Variants in CDH20 observed in about 807,000 individuals in gnomAD.
CDH20 encodes cadherin 20, also known as cadherin-20.
A neutral mutation model predicts 74.2 loss-of-function variants in CDH20; 29 were observed. That is an observed-to-expected ratio of 0.39 (90% confidence interval 0.29 to 0.53). The LOEUF (loss-of-function observed/expected upper bound fraction) is 0.53, where lower values mean the gene tolerates loss of function less well. CDH20 is among the 20% of genes least tolerant of loss of function. The pLI, the probability that CDH20 is intolerant of heterozygous loss-of-function variation, is 0.69. For synonymous variants in CDH20, 469 were observed against 405.4 expected, an observed-to-expected ratio of 1.16 and a Z score of -1.88; for missense variants, 988 against 1,048.3, an observed-to-expected ratio of 0.94 and a Z score of 0.79.
intron 1 of CDH20, among the ~76,000 whole-genome samples, chr18:61,343,850 G>A (rs909504583): frequency 6.6e-6 from 1 of 152,138 alleles, no homozygotes; most frequent in African/African-American, 2.4e-5. Flanking sequence ...TTATCCCAAG[G>A]AAGCATATTT....
intron 1 of CDH20, among the ~76,000 whole-genome samples, chr18:61,378,578 A>G (rs189036990): frequency 3.9e-5 from 6 of 152,278 alleles, no homozygotes; most frequent in Admixed American, 3.9e-4. Context: ...CTACTGGCTC[A>G]TATTTTAATC....
chr18:61,378,154 T>G (rs1007814749), intron 1 of CDH20, among the ~76,000 whole-genome samples: 8 of 152,212 alleles, frequency 5.3e-5, no homozygotes, highest in Non-Finnish European at 1.2e-4. Context: ...AATACTTGTA[T>G]GGGCATTCTA....
rs148422365 is a variant in CDH20 at position 61,495,239 on chromosome 18, C to T, written c.247-3947C>T. ...AATATAAAACACATTTTTATTACAC[C>T]GCCAATTTGCTGAGTGACTTGGAGA... On this transcript the variant is annotated intron_variant, in intron 2 of 11. Coordinates refer to ENST00000262717, the MANE Select transcript of CDH20 (RefSeq NM_031891.4). Among the ~76,000 whole-genome samples, 506 of 152,300 alleles carry T rather than the reference C, an allele frequency of 3.3e-3. 5 individuals carry two copies. The highest frequency in any genetic ancestry group is 0.012 in the African/African-American group (490 of 41,556).
At chr18:61,360,885 CTTTCTG>C (rs1568110260) in intron 1 of CDH20, among the ~76,000 whole-genome samples, 3 of 152,294 alleles carry the variant, frequency 2.0e-5, no homozygotes, top group Non-Finnish European at 4.4e-5. Context: ...AATACTTCCT[CTTTCTG>C]TTTTAGTTTC....
intron 1 of CDH20, among the ~76,000 whole-genome samples, chr18:61,351,890 T>C (rs908761258): frequency 3.3e-5 from 5 of 152,166 alleles, no homozygotes; most frequent in Admixed American, 2.0e-4. Context: ...GTTACAATTA[T>C]CAACCTCCCC....
chr18:61,438,406 A>G (rs1908908341), intron 1 of CDH20, among the ~76,000 whole-genome samples: 1 of 152,126 alleles, frequency 6.6e-6, no homozygotes, highest in African/African-American at 2.4e-5. Context: ...TGCTCCTGCC[A>G]GAGGTGCTCT....
At chr18:61,530,227 C>A (rs1379974734) in intron 7 of CDH20, among the ~76,000 whole-genome samples, 2 of 152,126 alleles carry the variant, frequency 1.3e-5, no homozygotes, top group African/African-American at 4.8e-5. Flanking sequence ...AAGAATGGTC[C>A]CTGGACCCAA....
At chr18:61,464,874 T>G (rs907654699) in intron 1 of CDH20, among the ~76,000 whole-genome samples, 5 of 152,128 alleles carry the variant, frequency 3.3e-5, no homozygotes, top group African/African-American at 1.2e-4. Flanking sequence ...CCAGTTAGAA[T>G]CCTCCATCAT....
At chr18:61,549,913 T>C (rs1358986205) in intron 10 of CDH20, 65 bp from the exon 11 acceptor site, 1 of 1,554,908 alleles carries the variant, frequency 6.4e-7, no homozygotes, top group Non-Finnish European at 8.8e-7. Flanking sequence ...GCCCCCTTGC[T>C]TTCCTCAATC....
intron 1 of CDH20, among the ~76,000 whole-genome samples, chr18:61,410,094 T>C (rs2144245282): frequency 6.6e-6 from 1 of 152,372 alleles, no homozygotes; most frequent in Non-Finnish European, 1.5e-5. Flanking sequence ...ACTACTATTG[T>C]CCTACTATGT....
rs1912507366 is a variant in CDH20, at chr18:61,528,238, A to G, written c.1271+18A>G. The G allele has an allele frequency of 6.2e-7, 1 of 1,610,678 alleles. No homozygotes were observed. The highest frequency in any genetic ancestry group is 1.3e-5 in the African/African-American group (1 of 74,774). Reference sequence around the variant, plus strand: ...TCAATCAGGTTTTTCCACAGATTTCACCTTTTCCTTATATGCTGGAATCTT... The same window carrying G: ...TCAATCAGGTTTTTCCACAGATTTCGCCTTTTCCTTATATGCTGGAATCTT... On this transcript the variant is annotated intron_variant, in intron 7 of 11. Transcript: ENST00000262717.
At chr18:61,452,508 T>C (rs934615902) in intron 1 of CDH20, among the ~76,000 whole-genome samples, 1 of 152,188 alleles carries the variant, frequency 6.6e-6, no homozygotes, top group Non-Finnish European at 1.5e-5. Context: ...GTATGGGTCA[T>C]TGTATTGAAA....
chr18:61,389,534 T>G (rs1415284713), intron 1 of CDH20, among the ~76,000 whole-genome samples: 1 of 152,214 alleles, frequency 6.6e-6, no homozygotes, highest in Non-Finnish European at 1.5e-5. Context: ...TCAATAAATA[T>G]TAAGTGTCAT....
chr18:61,347,317 T>C (rs11664862), intron 1 of CDH20, among the ~76,000 whole-genome samples: 1,204 of 69,574 alleles, frequency 0.017, 27 homozygotes, highest in African/African-American at 0.061. Context: ...TATATATATA[T>C]ATACACACAC....
At chr18:61,426,119 C>T (rs1367335484) in intron 1 of CDH20, among the ~76,000 whole-genome samples, 1 of 151,670 alleles carries the variant, frequency 6.6e-6, no homozygotes, top group Admixed American at 6.6e-5. Context: ...AATGTTAATT[C>T]TTTGGGATTT....
At chr18:61,507,259 C>T in intron 5 of CDH20, 114 bp from the exon 6 acceptor site, 1 of 1,035,176 alleles carries the variant, frequency 9.7e-7, no homozygotes, top group Non-Finnish European at 1.4e-6. Context: ...TCAAGTTTTA[C>T]TTTTTGAACC....
intron 6 of CDH20, among the ~76,000 whole-genome samples, chr18:61,517,904 G>C (rs1188255062): frequency 1.3e-5 from 2 of 152,258 alleles, no homozygotes; most frequent in East Asian, 3.9e-4. Flanking sequence ...GCAGTCTGTA[G>C]TCGACCTGGG....
intron 1 of CDH20, among the ~76,000 whole-genome samples, chr18:61,396,626 G>C (rs1338895874): frequency 1.3e-5 from 2 of 152,166 alleles, no homozygotes; most frequent in Non-Finnish European, 2.9e-5. Flanking sequence ...CCAGGATGTG[G>C]ATACACGCTG....
chr18:61,440,219 A>G (rs1908983401), intron 1 of CDH20, among the ~76,000 whole-genome samples: 1 of 152,124 alleles, frequency 6.6e-6, no homozygotes, highest in African/African-American at 2.4e-5. Flanking sequence ...TCCTTTCCCA[A>G]TAGGATGTAA....
Sources: allele counts gnomAD v4.1 joint callset (sites outside exome capture counted in the v4.1 genomes callset), GRCh38; gene constraint gnomAD v4.1.1; transcripts MANE v1.5; gene names NCBI Gene and HGNC (gene_info 2026-07-23, HGNC 2026-07-21).